Variants in FANK1 observed in about 807,000 individuals in gnomAD.
The protein encoded by FANK1 is fibronectin type III and ankyrin repeat domains 1, also known as fibronectin type 3 and ankyrin repeat domains protein 1.
In FANK1, 44 loss-of-function variants were observed where a neutral mutation model predicts 45.3. The ratio of observed to expected loss-of-function variants is 0.97; its 90% CI spans 0.76 to 1.25. The LOEUF is 1.25. Among genes scored for constraint, FANK1 ranks in the 50% most tolerant of loss-of-function variants. The probability of loss-of-function intolerance (pLI) is 0.00; values close to 1 mark genes in which losing one functional copy is unlikely to be tolerated. For synonymous variants in FANK1, 149 were observed against 152.5 expected (o/e 0.98, Z 0.17); for missense variants, 391 against 424.4 (o/e 0.92, Z 0.69).
At chr10:125,906,544 A>AAAAAAAAAAAAAAAC (rs1945540582) in intron 1 of FANK1, among the ~76,000 whole-genome samples, 1 of 146,988 alleles carries the variant, frequency 6.8e-6, no homozygotes, top group Admixed American at 6.8e-5. Flanking sequence ...AAAAAAAAAA[A>AAAAAAAAAAAAAAAC]TTCTTACCTC....
rs1952343533 is a variant in FANK1 at position 125,996,535 on chromosome 10, TCTGCTTTTCC to T, written c.399-13_399-4del. On this transcript the variant is annotated splice_polypyrimidine_tract_variant and splice_region_variant and intron_variant, in intron 4 of 10. Coordinates refer to ENST00000368693, the MANE Select transcript of FANK1 (RefSeq NM_145235.5). ...GTACTGAGCATGTTTATCTCTTTTC[TCTGCTTTTCC>T]CAAGCCGTGTTAAGGTTGATGTTCC... 2 of 1,613,818 alleles carry T rather than the reference TCTGCTTTTCC, an allele frequency of 1.2e-6. No homozygotes were observed. Among genetic ancestry groups the T allele is most frequent in the African/African-American group, 1.3e-5 (1 of 74,910 alleles).
At chr10:126,002,627 A>C (rs1952853709) in intron 6 of FANK1, among the ~76,000 whole-genome samples, 1 of 152,198 alleles carries the variant, frequency 6.6e-6, no homozygotes, top group Non-Finnish European at 1.5e-5. Flanking sequence ...CCTATTGAGA[A>C]GATCTTCTGT....
chr10:125,982,596 G>A (rs1368490775), intron 2 of FANK1, among the ~76,000 whole-genome samples: 1 of 152,208 alleles, frequency 6.6e-6, no homozygotes, highest in Non-Finnish European at 1.5e-5. Flanking sequence ...TGCTTTTCTT[G>A]TAAAAAGTGG....
chr10:125,931,900 G>T (rs953702722), intron 1 of FANK1, among the ~76,000 whole-genome samples: 1 of 152,152 alleles, frequency 6.6e-6, no homozygotes, highest in Non-Finnish European at 1.5e-5. Flanking sequence ...AAGAGATAAG[G>T]ATCCAGCTTC....
At chr10:125,934,191 T>C (rs1347694367) in intron 1 of FANK1, among the ~76,000 whole-genome samples, 1 of 152,164 alleles carries the variant, frequency 6.6e-6, no homozygotes, top group African/African-American at 2.4e-5. Context: ...GAAAAACATA[T>C]TAAAATTGTG....
chr10:125,920,824 A>AT (rs957638856), intron 1 of FANK1, among the ~76,000 whole-genome samples: 1 of 151,702 alleles, frequency 6.6e-6, no homozygotes, highest in Non-Finnish European at 1.5e-5. Context: ...TCAGTTTCTA[A>AT]TTTTTTTTAA....
At chr10:125,957,657 T>A (rs1323863807) in intron 1 of FANK1, among the ~76,000 whole-genome samples, 1 of 151,992 alleles carries the variant, frequency 6.6e-6, no homozygotes, top group Non-Finnish European at 1.5e-5. Flanking sequence ...CCCGAGAAGC[T>A]GGGACTACAG....
At chr10:125,922,259 G>A (rs200464226) in intron 1 of FANK1, among the ~76,000 whole-genome samples, 6 of 152,204 alleles carry the variant, frequency 3.9e-5, no homozygotes, top group Admixed American at 2.0e-4. Flanking sequence ...TAATTCTGTC[G>A]TCAGAGAAAA....
Position 125,971,036 on chromosome 10 carries a change from G to T in FANK1, c.14-9125G>T, listed in dbSNP as rs371700587. Among the ~76,000 whole-genome samples the T allele has an allele frequency of 3.1e-4, 47 of 152,238 alleles. 2 individuals carry two copies. In the East Asian group the frequency reaches 6.0e-3, roughly 19 times the overall value. On this transcript the variant is annotated intron_variant, in intron 1 of 10. Transcript: ENST00000368693. ...TTTAGCTGTATTATAAAACTTGGGG[G>T]TGATAACATTTACAAATAGACTTGT...
intron 1 of FANK1, among the ~76,000 whole-genome samples, chr10:125,958,801 A>G (rs1949737254): frequency 6.6e-6 from 1 of 152,222 alleles, no homozygotes; most frequent in South Asian, 2.1e-4. Flanking sequence ...AAATGTCTTT[A>G]GATCATTTGC....
rs372294033 is a variant in FANK1 at position 125,946,626 on chromosome 10, G to A, written c.14-33535G>A. On this transcript the variant is annotated intron_variant, in intron 1 of 10. Coordinates refer to ENST00000368693, the MANE Select transcript of FANK1 (RefSeq NM_145235.5). Reference sequence around the variant, plus strand: ...GACTATGTGAAAAGACCAAATCTACGTCTGATTGGTGTACCTGAAAGTGAT... The same window carrying A: ...GACTATGTGAAAAGACCAAATCTACATCTGATTGGTGTACCTGAAAGTGAT... Among the ~76,000 whole-genome samples the A allele has an allele frequency of 1.3e-3, 199 of 150,774 alleles. No individual in the cohort carries two copies. The East Asian group carries it at 0.019, about 14-fold the overall frequency.
chr10:125,918,585 A>AAAAAATATATATATATAT (rs1554913277), intron 1 of FANK1, among the ~76,000 whole-genome samples: 1 of 70,972 alleles, frequency 1.4e-5, no homozygotes, highest in African/African-American at 7.9e-5. Context: ...AAAAAAAAAA[A>AAAAAATATATATATATAT]ATATATATAT....
chr10:125,963,673 C>T (rs1950052219), intron 1 of FANK1, among the ~76,000 whole-genome samples: 1 of 152,062 alleles, frequency 6.6e-6, no homozygotes. Flanking sequence ...TGTTCTCACT[C>T]ATAGGTGGGA....
At chr10:126,003,194 G>A (rs567267486) in intron 6 of FANK1, among the ~76,000 whole-genome samples, 2 of 149,438 alleles carry the variant, frequency 1.3e-5, no homozygotes, top group Non-Finnish European at 3.0e-5. Flanking sequence ...GGATTTGCTT[G>A]TCTCCCGGTT....
At chr10:125,897,535 A>G (rs1331195042) in intron 1 of FANK1, among the ~76,000 whole-genome samples, 2 of 152,280 alleles carry the variant, frequency 1.3e-5, no homozygotes, top group Non-Finnish European at 2.9e-5. Flanking sequence ...GTACAATTTC[A>G]GAAATGAAGA....
intron 1 of FANK1, among the ~76,000 whole-genome samples, chr10:125,907,301 T>C (rs1945605492): frequency 1.3e-5 from 2 of 152,246 alleles, no homozygotes; most frequent in African/African-American, 4.8e-5. Context: ...GGCACAACTC[T>C]AATTAGTTAT....
intron 1 of FANK1, among the ~76,000 whole-genome samples, chr10:125,916,466 G>A (rs113158836): frequency 6.2e-4 from 95 of 152,016 alleles, no homozygotes; most frequent in South Asian, 6.3e-4. Context: ...CTCTGTGGGC[G>A]TAGGATAAAT....
At chr10:125,901,324 C>G (rs1419299141) in intron 1 of FANK1, among the ~76,000 whole-genome samples, 1 of 152,186 alleles carries the variant, frequency 6.6e-6, no homozygotes, top group East Asian at 1.9e-4. Context: ...ATTCCACTTC[C>G]AAAATATACC....
chr10:125,952,111 A>C (rs991940787), intron 1 of FANK1, among the ~76,000 whole-genome samples: 11 of 152,112 alleles, frequency 7.2e-5, no homozygotes, highest in African/African-American at 2.2e-4. Flanking sequence ...CCTCATCCCA[A>C]GTTGTACTTA....
Sources: gnomAD v4.1 joint callset for allele counts (sites outside exome capture counted in the v4.1 genomes callset) on GRCh38, gnomAD v4.1.1 for gene constraint, MANE v1.5 for transcripts, NCBI Gene and HGNC (gene_info 2026-07-23, HGNC 2026-07-21) for gene names.